MYO1E: variants seen among roughly 807,000 people sequenced by gnomAD.
The protein encoded by MYO1E is myosin IE, also known as unconventional myosin-Ie.
MYO1E carries 68 observed loss-of-function variants against 151.1 expected under a neutral mutation model. That is an observed-to-expected ratio of 0.45 (90% CI 0.37 to 0.55). The LOEUF (loss-of-function observed/expected upper bound fraction) is 0.55. Ranked by LOEUF, MYO1E falls within the 20% of genes least tolerant of loss-of-function variation. MYO1E has a pLI of 0.00. For missense variants in MYO1E, 1,363 were observed against 1,389.3 expected (o/e 0.98, Z 0.30); for synonymous variants, 601 against 501.7 (o/e 1.20, Z -2.64).
intron 15 of MYO1E, among the ~76,000 whole-genome samples, chr15:59,204,560 T>TAATCTCAA (rs2079821077): frequency 6.6e-6 from 1 of 152,226 alleles, no homozygotes; most frequent in South Asian, 2.1e-4. Flanking sequence ...ACATCTTATG[T>TAATCTCAA]GTTATCCAGG....
chr15:59,166,320 G>C (rs2079562543), intron 22 of MYO1E, among the ~76,000 whole-genome samples: 1 of 152,170 alleles, frequency 6.6e-6, no homozygotes. Context: ...CTTCACCCCT[G>C]ACTTATTCCT....
intron 1 of MYO1E, among the ~76,000 whole-genome samples, chr15:59,274,177 C>T (rs996090125): frequency 1.3e-5 from 2 of 152,110 alleles, no homozygotes; most frequent in African/African-American, 4.8e-5. Flanking sequence ...TGTACAGTGT[C>T]ATGGGCTCCT....
chr15:59,162,112 C>A (rs1443722040), intron 23 of MYO1E, among the ~76,000 whole-genome samples: 13 of 152,182 alleles, frequency 8.5e-5, no homozygotes, highest in African/African-American at 3.1e-4. Flanking sequence ...TCTCAGCTCA[C>A]TGCAACCTCT....
chr15:59,340,208 C>A (rs573587275), intron 1 of MYO1E, among the ~76,000 whole-genome samples: 1 of 151,918 alleles, frequency 6.6e-6, no homozygotes, highest in Admixed American at 6.6e-5. Context: ...AACCTATAAT[C>A]GAGAAGCATG....
intron 1 of MYO1E, among the ~76,000 whole-genome samples, chr15:59,370,505 A>G (rs2140447157): frequency 6.6e-6 from 1 of 152,322 alleles, no homozygotes; most frequent in Middle Eastern, 3.4e-3. Context: ...CAGCAACCAT[A>G]TCTGATGCAC....
At chr15:59,183,195 C>G (rs2079674975) in intron 18 of MYO1E, among the ~76,000 whole-genome samples, 1 of 152,126 alleles carries the variant, frequency 6.6e-6, no homozygotes, top group Non-Finnish European at 1.5e-5. Flanking sequence ...TCCTGCTCTC[C>G]TGAGATGGCA....
chr15:59,191,364 G>GAGAGAGAGAGAGAGAA (rs2079733137), intron 17 of MYO1E, among the ~76,000 whole-genome samples: 1 of 150,332 alleles, frequency 6.7e-6, no homozygotes, highest in African/African-American at 2.5e-5. Flanking sequence ...GAGAGAGAGA[G>GAGAGAGAGAGAGAGAA]AGAGAAAGAA....
At chr15:59,197,808 C>T (rs1231204482) in intron 16 of MYO1E, among the ~76,000 whole-genome samples, 2 of 152,240 alleles carry the variant, frequency 1.3e-5, no homozygotes, top group African/African-American at 4.8e-5. Context: ...AACAGAAATA[C>T]ATCTTAACCA....
At chr15:59,207,044 G>A (rs761177222) in intron 14 of MYO1E, 13 of 1,614,228 alleles carry the variant, frequency 8.1e-6, no homozygotes, top group South Asian at 6.6e-5. Context: ...CAAGCAACGC[G>A]CATCCCGCTC....
At chr15:59,257,833 G>T (rs1200919313) in intron 3 of MYO1E, among the ~76,000 whole-genome samples, 1 of 152,128 alleles carries the variant, frequency 6.6e-6, no homozygotes, top group Non-Finnish European at 1.5e-5. Flanking sequence ...GTTAGGAGTG[G>T]ATACCTGGAT....
intron 19 of MYO1E, among the ~76,000 whole-genome samples, chr15:59,174,675 G>C (rs948616562): frequency 3.3e-5 from 5 of 152,134 alleles, no homozygotes; most frequent in African/African-American, 1.2e-4. Flanking sequence ...GAATTTTCCA[G>C]TTTCTGCAGG....
intron 1 of MYO1E, among the ~76,000 whole-genome samples, chr15:59,277,185 C>A (rs983749611): frequency 2.0e-5 from 3 of 152,136 alleles, no homozygotes; most frequent in African/African-American, 7.2e-5. Flanking sequence ...TTTTAGGTAG[C>A]AATTTAGAAA....
At chr15:59,242,662 G>A (rs1192173488) in intron 4 of MYO1E, among the ~76,000 whole-genome samples, 2 of 152,184 alleles carry the variant, frequency 1.3e-5, no homozygotes, top group African/African-American at 2.4e-5. Flanking sequence ...GGTAGGTGGA[G>A]GTTTGGATGT....
chr15:59,203,276 C>A (rs1279383436), intron 15 of MYO1E, among the ~76,000 whole-genome samples: 1 of 151,632 alleles, frequency 6.6e-6, no homozygotes, highest in Admixed American at 6.6e-5. Context: ...GCCAGTAGCA[C>A]ACTGTTCCCA....
In MYO1E at chr15:59,140,724, C is replaced by T. The variant is rs921920872; in HGVS notation, c.3081-2357G>A. ...ATGTTCATGGGGTGCTGATGAACAACCTGGATCACAAAGGGGTGGCTGGGG... is the reference window on the plus strand; with the variant it reads ...ATGTTCATGGGGTGCTGATGAACAATCTGGATCACAAAGGGGTGGCTGGGG... On this transcript the variant is annotated intron_variant, in intron 26 of 27. Coordinates refer to ENST00000288235, the MANE Select transcript of MYO1E (RefSeq NM_004998.4). Among the ~76,000 whole-genome samples, 4 of 152,320 alleles carry T rather than the reference C, an allele frequency of 2.6e-5. No homozygotes were observed. In the South Asian group the frequency reaches 8.3e-4, roughly 32 times the overall value.
intron 18 of MYO1E, among the ~76,000 whole-genome samples, chr15:59,183,505 AG>A (rs1177726647): frequency 2.6e-5 from 4 of 151,908 alleles, no homozygotes; most frequent in Non-Finnish European, 4.4e-5. Context: ...TGGACTGATA[AG>A]TTTTTTTTGG....
intron 4 of MYO1E, among the ~76,000 whole-genome samples, chr15:59,241,274 T>A (rs1017218270): frequency 6.6e-6 from 1 of 152,170 alleles, no homozygotes; most frequent in African/African-American, 2.4e-5. Flanking sequence ...CTCAGCAATG[T>A]GGGAGGCCAC....
intron 14 of MYO1E, 104 bp downstream of exon 14, chr15:59,208,577 G>A: frequency 2.9e-6 from 4 of 1,391,670 alleles, no homozygotes; most frequent in Non-Finnish European, 4.1e-6. Flanking sequence ...TCCGTTTGTT[G>A]AATCAATAAA....
At chr15:59,216,685 TACACATACACAC>T (rs1310696776) in intron 10 of MYO1E, among the ~76,000 whole-genome samples, 884 of 38,610 alleles carry the variant, frequency 0.023, 52 homozygotes, top group African/African-American at 0.068. Flanking sequence ...TATATATATA[TACACATACACAC>T]ACACACACAC....
Sources: allele counts gnomAD v4.1 joint callset (sites outside exome capture counted in the v4.1 genomes callset), GRCh38; gene constraint gnomAD v4.1.1; transcripts MANE v1.5; gene names NCBI Gene and HGNC (gene_info 2026-07-23, HGNC 2026-07-21).